SYNDIG1L: variants seen among roughly 807,000 people sequenced by gnomAD.
SYNDIG1L encodes synapse differentiation inducing 1 like, also known as synapse differentiation-inducing gene protein 1-like.
SYNDIG1L carries 13 observed loss-of-function variants against 20.1 expected under a neutral mutation model. That is an observed-to-expected ratio of 0.65 (90% CI 0.42 to 1.03). The LOEUF is 1.03. SYNDIG1L is among the 50% of genes least tolerant of loss of function. SYNDIG1L has a pLI of 0.00. For missense variants in SYNDIG1L, 294 were observed against 305.1 expected (o/e 0.96, Z 0.27); for synonymous variants, 128 against 129.3 (o/e 0.99, Z 0.07).
chr14:74,410,224 T>C lies in SYNDIG1L; in HGVS notation c.-57-423A>G, dbSNP rs943682712. On this transcript the variant is annotated intron_variant, in intron 1 of 3. Coordinates refer to ENST00000331628, the MANE Select transcript of SYNDIG1L (RefSeq NM_001105579.2). ...GCCCTGAAGAAGTACAGCAGGTGCA[T>C]GTAAGCATGCACAATGGATGGAGCT... Among the ~76,000 whole-genome samples, 13 of 152,174 alleles carry C rather than the reference T, an allele frequency of 8.5e-5. 1 individual carries two copies. In the East Asian group the frequency reaches 2.1e-3, roughly 25 times the overall value.
At chr14:74,433,988 G>C in the SYNDIG1L span, among the ~76,000 whole-genome samples, 1 of 152,098 alleles carries the variant, frequency 6.6e-6, no homozygotes, top group African/African-American at 2.4e-5. Flanking sequence ...TTAAGAGTTT[G>C]CAATATCATG....
the SYNDIG1L span, among the ~76,000 whole-genome samples, chr14:74,433,158 G>C: frequency 6.6e-6 from 1 of 151,946 alleles, no homozygotes; most frequent in Non-Finnish European, 1.5e-5. Context: ...GAGATGCTGT[G>C]GGGGGCTGGT....
intron 2 of SYNDIG1L, 59 bp from the exon 3 acceptor site, chr14:74,408,048 G>A: frequency 6.6e-7 from 1 of 1,525,482 alleles, no homozygotes; most frequent in Non-Finnish European, 8.8e-7. Context: ...CATCAGGCTG[G>A]CAAGAGGTTT....
At chr14:74,477,434 G>A in the SYNDIG1L span, among the ~76,000 whole-genome samples, 23 of 151,936 alleles carry the variant, frequency 1.5e-4, no homozygotes, top group African/African-American at 4.8e-4. Flanking sequence ...TATGTCTGGA[G>A]GGTGTTCTCA....
chr14:74,471,813 T>C, the SYNDIG1L span: 2 of 152,290 alleles, frequency 1.3e-5, no homozygotes, highest in Admixed American at 1.3e-4. Context: ...CTAATATTAT[T>C]TGATTTTCAA....
chr14:74,464,450 C>T, the SYNDIG1L span, among the ~76,000 whole-genome samples: 3,125 of 152,160 alleles, frequency 0.021, 128 homozygotes, highest in African/African-American at 0.071. Context: ...ATGGCTGTTT[C>T]GGGTCTGGCA....
intron 1 of SYNDIG1L, among the ~76,000 whole-genome samples, chr14:74,416,641 A>G (rs1163573395): frequency 3.4e-5 from 5 of 148,724 alleles, no homozygotes; most frequent in Non-Finnish European, 5.9e-5. Flanking sequence ...CTCAAAAACA[A>G]AAACAAACCA....
the SYNDIG1L span, among the ~76,000 whole-genome samples, chr14:74,470,167 C>T: frequency 1.3e-5 from 2 of 151,786 alleles, no homozygotes; most frequent in African/African-American, 4.8e-5. Context: ...TGGCCTTCTA[C>T]CTTCCCTTTT....
chr14:74,451,984 TA>T, the SYNDIG1L span, among the ~76,000 whole-genome samples: 29,607 of 65,196 alleles, frequency 0.45, 3,940 homozygotes, highest in African/African-American at 0.52. Context: ...AGACTTTGTC[TA>T]AAAAAAAAAA....
intron 2 of SYNDIG1L, among the ~76,000 whole-genome samples, chr14:74,408,978 A>G (rs541675147): frequency 2.6e-3 from 398 of 152,290 alleles, no homozygotes; most frequent in Non-Finnish European, 4.1e-3. Flanking sequence ...TTGGTAGTAT[A>G]CAGATTCCTG....
chr14:74,442,749 T>A, the SYNDIG1L span, among the ~76,000 whole-genome samples: 1 of 152,138 alleles, frequency 6.6e-6, no homozygotes, highest in Non-Finnish European at 1.5e-5. Flanking sequence ...GGATTAGGAA[T>A]GGAGGAAGTT....
At chr14:74,434,380 T>A in the SYNDIG1L span, among the ~76,000 whole-genome samples, 1 of 152,108 alleles carries the variant, frequency 6.6e-6, no homozygotes, top group Non-Finnish European at 1.5e-5. Context: ...CTGGCCTGCC[T>A]CGGTGGGAGA....
At chr14:74,416,983 C>A (rs1352981790) in intron 1 of SYNDIG1L, among the ~76,000 whole-genome samples, 1 of 152,196 alleles carries the variant, frequency 6.6e-6, no homozygotes, top group Non-Finnish European at 1.5e-5. Flanking sequence ...GGAAGTCTGA[C>A]GTCAGAATCA....
the SYNDIG1L span, among the ~76,000 whole-genome samples, chr14:74,461,227 C>T: frequency 7.9e-5 from 12 of 152,084 alleles, no homozygotes; most frequent in African/African-American, 2.9e-4. Context: ...GGATTACAGG[C>T]GTGAGCCACC....
chr14:74,466,410 G>A, the SYNDIG1L span, among the ~76,000 whole-genome samples: 1 of 152,170 alleles, frequency 6.6e-6, no homozygotes, highest in Non-Finnish European at 1.5e-5. Flanking sequence ...CCAGGGAAAG[G>A]ATGAGAACAG....
Position 74,415,491 on chromosome 14 carries a change from A to G in SYNDIG1L, c.-57-5690T>C, listed in dbSNP as rs572046954. On this transcript the variant is annotated intron_variant, in intron 1 of 3. Coordinates refer to ENST00000331628, the MANE Select transcript of SYNDIG1L (RefSeq NM_001105579.2). ...AGAACCACTGCTCTGATAGTCACTG[A>G]AAAAAGAGTAAAAAAATGTATAACC... Among the ~76,000 whole-genome samples the G allele has an allele frequency of 6.6e-5, 10 of 152,280 alleles. 1 individual carries two copies. The South Asian group carries it at 1.5e-3, about 22-fold the overall frequency.
At chr14:74,459,662 G>A in the SYNDIG1L span, among the ~76,000 whole-genome samples, 3 of 152,176 alleles carry the variant, frequency 2.0e-5, no homozygotes, top group East Asian at 1.9e-4. Context: ...AGGAGCCTGT[G>A]GGGGGACATG....
the SYNDIG1L span, among the ~76,000 whole-genome samples, chr14:74,445,134 T>C: frequency 2.5e-4 from 38 of 152,188 alleles, no homozygotes; most frequent in African/African-American, 7.9e-4. Flanking sequence ...GACCTGGTTG[T>C]TTTAAAGGGC....
At chr14:74,465,498 C>T in the SYNDIG1L span, among the ~76,000 whole-genome samples, 1 of 152,230 alleles carries the variant, frequency 6.6e-6, no homozygotes. Context: ...ACACCTCTCA[C>T]TTCCTTGCCA....
Sources: gnomAD v4.1 joint callset for allele counts (sites outside exome capture counted in the v4.1 genomes callset) on GRCh38, gnomAD v4.1.1 for gene constraint, MANE v1.5 for transcripts, NCBI Gene and HGNC (gene_info 2026-07-23, HGNC 2026-07-21) for gene names.